The following CHSY1 variants were observed in gnomAD, a reference collection of about 807,000 sequenced individuals.
CHSY1 encodes the protein N-acetylgalactosaminyl-proteoglycan 3-beta-glucuronosyltransferase 1.
In CHSY1, 13 loss-of-function variants were observed where a neutral mutation model predicts 59.8. The ratio of observed to expected loss-of-function variants is 0.22; its 90% CI spans 0.14 to 0.35. CHSY1 has a LOEUF of 0.35. Among genes scored for constraint, CHSY1 ranks in the 10% least tolerant of loss-of-function variants. CHSY1 has a pLI of 1.00. For synonymous variants in CHSY1, 459 were observed against 401.2 expected (o/e 1.14, Z -1.72); for missense variants, 947 against 1,030.6 (o/e 0.92, Z 1.11).
chr15:101,212,966 A>C (rs921166357), intron 2 of CHSY1, among the ~76,000 whole-genome samples: 3 of 152,258 alleles, frequency 2.0e-5, no homozygotes, highest in Non-Finnish European at 2.9e-5. Context: ...AAACACTTTC[A>C]ATTTAAAATT....
At chr15:101,192,998 G>A (rs1457524703) in intron 2 of CHSY1, among the ~76,000 whole-genome samples, 3 of 152,136 alleles carry the variant, frequency 2.0e-5, no homozygotes, top group Admixed American at 6.5e-5. Context: ...AACATCTCTC[G>A]GAAGCTATAC....
chr15:101,179,272 C>T (rs563383657), intron 2 of CHSY1, among the ~76,000 whole-genome samples: 19 of 152,300 alleles, frequency 1.2e-4, no homozygotes, highest in African/African-American at 4.6e-4. Context: ...GATCACAGTG[C>T]ACCACAGGAG....
intron 2 of CHSY1, among the ~76,000 whole-genome samples, chr15:101,226,146 A>C (rs2038839661): frequency 6.6e-6 from 1 of 152,216 alleles, no homozygotes; most frequent in Non-Finnish European, 1.5e-5. Flanking sequence ...AGATTCCAAG[A>C]CTACAATGTT....
At chr15:101,237,978 A>C (rs1306898542) in intron 1 of CHSY1, among the ~76,000 whole-genome samples, 1 of 152,254 alleles carries the variant, frequency 6.6e-6, no homozygotes, top group Non-Finnish European at 1.5e-5. Context: ...GGAAAGTCTT[A>C]GGAGAGAAAT....
At chr15:101,203,506 G>A (rs1383089764) in intron 2 of CHSY1, among the ~76,000 whole-genome samples, 1 of 152,080 alleles carries the variant, frequency 6.6e-6, no homozygotes, top group African/African-American at 2.4e-5. Flanking sequence ...AAAATCATGT[G>A]GATGATTAAC....
chr15:101,205,938 A>C (rs187164390), intron 2 of CHSY1, among the ~76,000 whole-genome samples: 1,975 of 151,766 alleles, frequency 0.013, 38 homozygotes, highest in African/African-American at 0.044. Context: ...GGCGAAAGAG[A>C]GAGACTCCGT....
chr15:101,227,568 T>C (rs2038853077), intron 2 of CHSY1, among the ~76,000 whole-genome samples: 1 of 152,182 alleles, frequency 6.6e-6, no homozygotes, highest in Non-Finnish European at 1.5e-5. Context: ...CTTCAATATA[T>C]TACTCCTGGG....
At chr15:101,193,921 A>C (rs961788350) in intron 2 of CHSY1, among the ~76,000 whole-genome samples, 4 of 152,230 alleles carry the variant, frequency 2.6e-5, no homozygotes, top group Non-Finnish European at 5.9e-5. Context: ...ACTGAGTCCC[A>C]GCAACAGAGG....
At chr15:101,230,383 C>G (rs905241305) in intron 2 of CHSY1, among the ~76,000 whole-genome samples, 1 of 152,146 alleles carries the variant, frequency 6.6e-6, no homozygotes, top group Non-Finnish European at 1.5e-5. Context: ...CAAATCATCT[C>G]TGTGACAACC....
chr15:101,237,557 G>A (rs2038958965), intron 1 of CHSY1, among the ~76,000 whole-genome samples: 2 of 151,564 alleles, frequency 1.3e-5, no homozygotes, highest in South Asian at 2.1e-4. Flanking sequence ...GTTGCCCGTC[G>A]ACAGAGGGAA....
chr15:101,234,451 A>G (rs548229818), intron 2 of CHSY1, among the ~76,000 whole-genome samples: 1 of 152,358 alleles, frequency 6.6e-6, no homozygotes, highest in Non-Finnish European at 1.5e-5. Context: ...CATCTGTGGA[A>G]TCAGCAGAAG....
chr15:101,176,400 G>C lies in CHSY1; in HGVS notation c.*988C>G. 2.5e-6 allele frequency: 1 copy of C among 398,588 alleles called. No individual in the cohort carries two copies. Among genetic ancestry groups the C allele is most frequent in the Non-Finnish European group, 4.4e-6 (1 of 226,056 alleles). The allele number at this position is 398,588 out of a possible 1,614,324, so 24.7% of individuals were successfully genotyped here. A position where few individuals can be genotyped will look rare whatever the true frequency, so the allele number is the denominator to read the frequency against. ...TGTATGTTTCAGTCTGTGTACATCAGATTTATTGTAATAATTCATCTTTGT... is the reference window on the plus strand; with the variant it reads ...TGTATGTTTCAGTCTGTGTACATCACATTTATTGTAATAATTCATCTTTGT... On this transcript the variant is annotated 3_prime_UTR_variant, in exon 3 of 3. Transcript: ENST00000254190.
At chr15:101,227,156 T>A (rs893543010) in intron 2 of CHSY1, among the ~76,000 whole-genome samples, 1 of 152,182 alleles carries the variant, frequency 6.6e-6, no homozygotes, top group African/African-American at 2.4e-5. Flanking sequence ...CTATTTCCAG[T>A]CTGTTTTCTA....
At chr15:101,196,582 G>A (rs56281521) in intron 2 of CHSY1, among the ~76,000 whole-genome samples, 2,494 of 152,156 alleles carry the variant, frequency 0.016, 31 homozygotes, top group East Asian at 0.075. Context: ...GCCACCAAGC[G>A]GGATTACACC....
chr15:101,179,143 A>G (rs1045592465), intron 2 of CHSY1, among the ~76,000 whole-genome samples, 163 bp from the exon 3 acceptor site: 1 of 152,254 alleles, frequency 6.6e-6, no homozygotes, highest in Non-Finnish European at 1.5e-5. Flanking sequence ...GGTTAGAAGA[A>G]TTCACAGATA....
At chr15:101,231,069 A>G (rs1596450712) in intron 2 of CHSY1, among the ~76,000 whole-genome samples, 1 of 152,250 alleles carries the variant, frequency 6.6e-6, no homozygotes, top group African/African-American at 2.4e-5. Flanking sequence ...CTAGAGTGGT[A>G]TGGGGCTGTA....
At chr15:101,181,816 G>A (rs1210428509) in intron 2 of CHSY1, among the ~76,000 whole-genome samples, 2 of 152,130 alleles carry the variant, frequency 1.3e-5, no homozygotes, top group East Asian at 1.9e-4. Flanking sequence ...TCCTCATGCA[G>A]TCAAAAACCC....
intron 2 of CHSY1, among the ~76,000 whole-genome samples, chr15:101,220,547 C>T (rs1008275906): frequency 6.6e-6 from 1 of 152,194 alleles, no homozygotes; most frequent in Non-Finnish European, 1.5e-5. Context: ...CACTTCCCCT[C>T]ACCTCTTCGC....
At chr15:101,214,993 G>A (rs986843866) in intron 2 of CHSY1, among the ~76,000 whole-genome samples, 20 of 152,082 alleles carry the variant, frequency 1.3e-4, no homozygotes, top group African/African-American at 4.8e-4. Flanking sequence ...AAAAGTGTGC[G>A]GCACCTCCTC....
Sources: allele counts gnomAD v4.1 joint callset (sites outside exome capture counted in the v4.1 genomes callset), GRCh38; gene constraint gnomAD v4.1.1; transcripts MANE v1.5; gene names NCBI Gene and HGNC (gene_info 2026-07-23, HGNC 2026-07-21).